The following KCNK2 variants were observed in gnomAD, a reference collection of about 807,000 sequenced individuals.
KCNK2 encodes the protein potassium channel subfamily K member 2.
KCNK2 carries 21 observed loss-of-function variants against 40.5 expected under a neutral mutation model. The observed-to-expected ratio is 0.52, with a 90% CI of 0.37 to 0.75. KCNK2 has a LOEUF of 0.75. Ranked by LOEUF, KCNK2 falls within the 30% of genes least tolerant of loss-of-function variation. The pLI is 0.00. For synonymous variants in KCNK2, 191 were observed against 202.2 expected (o/e 0.94, Z 0.47); for missense variants, 399 against 531.6 (o/e 0.75, Z 2.45).
intron 3 of KCNK2, among the ~76,000 whole-genome samples, chr1:215,148,080 CTTTTTT>C (rs756218432): frequency 9.0e-6 from 1 of 111,180 alleles, no homozygotes; most frequent in African/African-American, 3.7e-5. Flanking sequence ...TTTTCTTTTC[CTTTTTT>C]TTTTTTTTTT....
At chr1:215,039,037 A>G (rs978953609) in intron 1 of KCNK2, among the ~76,000 whole-genome samples, 1 of 152,118 alleles carries the variant, frequency 6.6e-6, no homozygotes, top group Non-Finnish European at 1.5e-5. Context: ...TGGACTGACA[A>G]TGTCGGTGAA....
At chr1:215,166,805 A>G (rs1187261515) in intron 3 of KCNK2, among the ~76,000 whole-genome samples, 1 of 152,118 alleles carries the variant, frequency 6.6e-6, no homozygotes, top group East Asian at 1.9e-4. Context: ...TATTTTGCTT[A>G]CAAGTATGAG....
chr1:215,066,875 T>C (rs1658566006), intron 1 of KCNK2, among the ~76,000 whole-genome samples: 1 of 152,188 alleles, frequency 6.6e-6, no homozygotes, highest in African/African-American at 2.4e-5. Flanking sequence ...GCGTCAATCT[T>C]GACAACATAC....
chr1:215,136,947 T>C (rs1218151684), intron 3 of KCNK2, among the ~76,000 whole-genome samples: 5 of 152,210 alleles, frequency 3.3e-5, no homozygotes, highest in Admixed American at 2.0e-4. Flanking sequence ...TTTAATTTGC[T>C]TTTCCAAACT....
At chr1:215,203,831 G>A (rs1048990277) in intron 6 of KCNK2, among the ~76,000 whole-genome samples, 1 of 151,826 alleles carries the variant, frequency 6.6e-6, no homozygotes, top group African/African-American at 2.4e-5. Context: ...AAGGTCAGGA[G>A]ATCGAGACCA....
chr1:215,016,831 T>C (rs1487549192), intron 1 of KCNK2, among the ~76,000 whole-genome samples: 1 of 151,944 alleles, frequency 6.6e-6, no homozygotes, highest in Non-Finnish European at 1.5e-5. Flanking sequence ...AAGAAGAAAA[T>C]ATTTGCAAAC....
chr1:215,102,859 C>T (rs759703037), intron 2 of KCNK2, among the ~76,000 whole-genome samples: 2 of 151,958 alleles, frequency 1.3e-5, no homozygotes, highest in African/African-American at 2.4e-5. Context: ...GTAGGCTATG[C>T]CATCTGGGTT....
intron 3 of KCNK2, among the ~76,000 whole-genome samples, chr1:215,146,084 C>A (rs1032096612): frequency 6.6e-6 from 1 of 152,006 alleles, no homozygotes; most frequent in Non-Finnish European, 1.5e-5. Context: ...TTTAAACACT[C>A]GAAATGAAAT....
At chr1:215,064,168 T>G (rs1464171519) in intron 1 of KCNK2, among the ~76,000 whole-genome samples, 2 of 152,036 alleles carry the variant, frequency 1.3e-5, no homozygotes, top group African/African-American at 4.8e-5. Flanking sequence ...GCAAAGAAAA[T>G]TAGAGAAAGG....
At position 215,180,100 on chromosome 1, in the gene KCNK2, T is replaced by G. The variant is rs61818347; in HGVS notation, c.823+7917T>G. ...TCTTCTTGTTGAATCGAACCTCTTATCCTTATGTAATACCTTACTTTGTCC... is the reference window on the plus strand; with the variant it reads ...TCTTCTTGTTGAATCGAACCTCTTAGCCTTATGTAATACCTTACTTTGTCC... On this transcript the variant is annotated intron_variant, in intron 5 of 6. Transcript: ENST00000444842. 9.6e-3 allele frequency among the ~76,000 whole-genome samples: 1,467 copies of G among 152,278 alleles called. 24 individuals are homozygous for G. Among genetic ancestry groups the G allele is most frequent in the South Asian group, 0.061 (293 of 4,830 alleles).
At chr1:215,205,399 G>A (rs749916769) in intron 6 of KCNK2, among the ~76,000 whole-genome samples, 1 of 152,052 alleles carries the variant, frequency 6.6e-6, no homozygotes, top group Non-Finnish European at 1.5e-5. Flanking sequence ...CACCACGCCC[G>A]GCTAATTTTT....
At chr1:215,042,644 G>A (rs1047497486) in intron 1 of KCNK2, among the ~76,000 whole-genome samples, 11 of 152,138 alleles carry the variant, frequency 7.2e-5, no homozygotes, top group African/African-American at 1.2e-4. Flanking sequence ...TCAGTCACTG[G>A]CACTATTGCT....
chr1:215,197,192 A>T (rs902363289), intron 6 of KCNK2, among the ~76,000 whole-genome samples: 3 of 152,200 alleles, frequency 2.0e-5, no homozygotes, highest in African/African-American at 7.2e-5. Context: ...TTACTAAAAA[A>T]CAGTGCTTTT....
chr1:215,049,021 G>A (rs1031251189), intron 1 of KCNK2, among the ~76,000 whole-genome samples: 2 of 152,150 alleles, frequency 1.3e-5, no homozygotes, highest in Admixed American at 6.6e-5. Flanking sequence ...GTGGAAGAAT[G>A]CAATTGCTGG....
At chr1:215,027,291 A>G (rs961973747) in intron 1 of KCNK2, among the ~76,000 whole-genome samples, 1 of 152,168 alleles carries the variant, frequency 6.6e-6, no homozygotes, top group African/African-American at 2.4e-5. Flanking sequence ...TTGAATAAAC[A>G]TAGTGATAAC....
At chr1:215,169,478 T>G (rs1030057421) in intron 4 of KCNK2, 119 bp downstream of exon 4, 1 of 722,742 alleles carries the variant, frequency 1.4e-6, no homozygotes, top group Non-Finnish European at 2.3e-6. Context: ...CCATAACAAT[T>G]TATATGCATC....
At chr1:215,018,236 GC>G (rs1277825280) in intron 1 of KCNK2, among the ~76,000 whole-genome samples, 5 of 152,108 alleles carry the variant, frequency 3.3e-5, no homozygotes, top group Admixed American at 2.6e-4. Context: ...AGAATCTTTA[GC>G]ATCAAAGTTG....
chr1:215,139,966 A>C (rs1196120656), intron 3 of KCNK2, among the ~76,000 whole-genome samples: 1 of 152,296 alleles, frequency 6.6e-6, no homozygotes, highest in African/African-American at 2.4e-5. Context: ...TGATTTTCCT[A>C]TGTATAGTTG....
At chr1:215,232,893 T>C (rs1231176040) in intron 6 of KCNK2, among the ~76,000 whole-genome samples, 10 of 152,144 alleles carry the variant, frequency 6.6e-5, no homozygotes, top group Non-Finnish European at 1.5e-4. Flanking sequence ...GAGACATGAC[T>C]TAGGTAAAAA....
Sources: gnomAD v4.1 joint callset for allele counts (sites outside exome capture counted in the v4.1 genomes callset) on GRCh38, gnomAD v4.1.1 for gene constraint, MANE v1.5 for transcripts, NCBI Gene and HGNC (gene_info 2026-07-23, HGNC 2026-07-21) for gene names.